ARNT2: variants seen among roughly 807,000 people sequenced by gnomAD.
The protein encoded by ARNT2 is aryl hydrocarbon receptor nuclear translocator 2, also known as ARNT protein 2.
Under a neutral mutation model 91.7 loss-of-function variants are expected in ARNT2, and 36 were observed. The observed-to-expected ratio is 0.39, with a 90% CI of 0.30 to 0.52. ARNT2 has a LOEUF of 0.52. ARNT2 is among the 20% of genes least tolerant of loss of function. ARNT2 has a pLI of 0.72. For synonymous variants in ARNT2, 365 were observed against 347.1 expected, an observed-to-expected ratio of 1.05 and a Z score of -0.57; for missense variants, 775 against 939.3, an observed-to-expected ratio of 0.83 and a Z score of 2.29.
At chr15:80,459,752 C>T (rs28650974) in intron 3 of ARNT2, among the ~76,000 whole-genome samples, 86 of 152,314 alleles carry the variant, frequency 5.6e-4, no homozygotes, top group African/African-American at 2.0e-3. Flanking sequence ...AAGGTTCAAA[C>T]CCAGGCATCT....
intron 5 of ARNT2, among the ~76,000 whole-genome samples, chr15:80,479,875 C>G (rs979663850): frequency 6.6e-6 from 1 of 152,138 alleles, no homozygotes. Context: ...CCTCACCACC[C>G]AAGGCACTTG....
chr15:80,419,202 G>A (rs1162722346), intron 1 of ARNT2, among the ~76,000 whole-genome samples: 1 of 152,172 alleles, frequency 6.6e-6, no homozygotes, highest in Non-Finnish European at 1.5e-5. Flanking sequence ...CAGTTTTGGA[G>A]TCAGTCGTTC....
intron 12 of ARNT2, among the ~76,000 whole-genome samples, chr15:80,569,147 C>A (rs984742113): frequency 3.9e-5 from 6 of 152,196 alleles, no homozygotes; most frequent in African/African-American, 1.4e-4. Context: ...TTCCAGCTAC[C>A]TCAGAATGCC....
Position 80,450,571 on chromosome 15 carries a change from C to T in ARNT2, c.32-309C>T, listed in dbSNP as rs371622292. The stretch of plus-strand genomic sequence containing the variant: ...GATTCCTCTGCATCTTACCTGCCTC[C>T]AGGTGGTCAGGAGACAGGAGTCCCT... On this transcript the variant is annotated intron_variant, in intron 1 of 18. Coordinates refer to ENST00000303329, the MANE Select transcript of ARNT2 (RefSeq NM_014862.4). 1.6e-3 allele frequency among the ~76,000 whole-genome samples: 243 copies of T among 152,376 alleles called. 5 individuals are homozygous for T. In the Middle Eastern group the frequency reaches 0.017, roughly 11 times the overall value.
chr15:80,592,586 C>G (rs1392907651), intron 18 of ARNT2, among the ~76,000 whole-genome samples: 1 of 152,238 alleles, frequency 6.6e-6, no homozygotes, highest in Non-Finnish European at 1.5e-5. Context: ...CCAAGCCCCT[C>G]TCCTGCCGGG....
Position 80,593,775 on chromosome 15 carries a change from C to T in ARNT2, c.*77C>T, listed in dbSNP as rs956785935. 2.3e-5 allele frequency: 31 copies of T among 1,363,124 alleles called. No homozygotes were observed. The highest frequency in any genetic ancestry group is 2.9e-5 in the African/African-American group (2 of 69,404). 84.4% of individuals were successfully genotyped at this position (1,363,124 alleles called of 1,614,324 possible). On this transcript the variant is annotated 3_prime_UTR_variant, in exon 19 of 19. Transcript: ENST00000303329. ...CGATGCCCATGTGAATGAGGCCCAC[C>T]CTCGCCCTGCTTGCCCTGCCGCAGG...
intron 1 of ARNT2, among the ~76,000 whole-genome samples, chr15:80,437,149 C>G (rs1567179258): frequency 6.6e-6 from 1 of 152,068 alleles, no homozygotes; most frequent in Non-Finnish European, 1.5e-5. Flanking sequence ...TCAGTCTACC[C>G]TTTGTGGAGA....
chr15:80,508,054 C>G, intron 5 of ARNT2, 102 bp from the exon 6 acceptor site: 1 of 1,084,412 alleles, frequency 9.2e-7, no homozygotes, highest in Non-Finnish European at 1.4e-6. Flanking sequence ...CCACACTTGT[C>G]CTCATTTGGC....
intron 1 of ARNT2, among the ~76,000 whole-genome samples, chr15:80,441,747 A>T (rs982205433): frequency 1.3e-5 from 2 of 152,196 alleles, no homozygotes; most frequent in African/African-American, 4.8e-5. Flanking sequence ...GTATTATAGG[A>T]ATTCTACACA....
At chr15:80,437,226 G>T (rs755993949) in intron 1 of ARNT2, among the ~76,000 whole-genome samples, 1 of 152,156 alleles carries the variant, frequency 6.6e-6, no homozygotes, top group Non-Finnish European at 1.5e-5. Context: ...GGAGCCACAG[G>T]AGGAACTGCA....
chr15:80,555,969 A>T (rs2141459558), intron 11 of ARNT2: 1 of 148,984 alleles, frequency 6.7e-6, no homozygotes, highest in South Asian at 2.1e-4. Flanking sequence ...TGTCTCACTC[A>T]CTCACTCACT....
chr15:80,461,145 A>T (rs1451996533), intron 3 of ARNT2, among the ~76,000 whole-genome samples: 1 of 152,228 alleles, frequency 6.6e-6, no homozygotes, highest in African/African-American at 2.4e-5. Context: ...AACCGAAGAC[A>T]GAGATGTAAA....
At chr15:80,532,763 C>T (rs1897759011) in intron 8 of ARNT2, among the ~76,000 whole-genome samples, 1 of 152,216 alleles carries the variant, frequency 6.6e-6, no homozygotes, top group African/African-American at 2.4e-5. Context: ...AAAACAGATC[C>T]TGATACGTGC....
intron 1 of ARNT2, among the ~76,000 whole-genome samples, chr15:80,443,383 G>GCT (rs1896225329): frequency 6.6e-6 from 1 of 152,204 alleles, no homozygotes; most frequent in South Asian, 2.1e-4. Flanking sequence ...AGAGGCAAGG[G>GCT]CTGGCCTTGT....
chr15:80,469,405 T>C (rs1324542442), intron 3 of ARNT2, among the ~76,000 whole-genome samples: 1 of 152,184 alleles, frequency 6.6e-6, no homozygotes, highest in African/African-American at 2.4e-5. Context: ...TTCACAACTT[T>C]AAAGTAAATT....
chr15:80,544,417 A>G (rs4778808), intron 8 of ARNT2, among the ~76,000 whole-genome samples: 4,599 of 152,184 alleles, frequency 0.03, 212 homozygotes, highest in African/African-American at 0.098. Flanking sequence ...TCATTGCCTG[A>G]TATCTAGTGT....
At chr15:80,491,984 A>T (rs1566986298) in intron 5 of ARNT2, among the ~76,000 whole-genome samples, 1 of 152,034 alleles carries the variant, frequency 6.6e-6, no homozygotes, top group African/African-American at 2.4e-5. Context: ...ACACAGGTGT[A>T]CGTCTATTTC....
In ARNT2 at chr15:80,508,245, A is replaced by T. The variant is rs1897300377; in HGVS notation, c.712A>T (p.Ile238Phe). 6.2e-7 allele frequency: 1 copy of T among 1,614,028 alleles called. No homozygotes were observed. Among genetic ancestry groups the T allele is most frequent in the Non-Finnish European group, 8.5e-7 (1 of 1,179,932 alleles). Reference sequence around the variant, plus strand: ...GTGCATGGGCTCGCGGCGGTCTTTCATCTGCAGGATGAGGTCTGTTTTGGG... The same window carrying T: ...GTGCATGGGCTCGCGGCGGTCTTTCTTCTGCAGGATGAGGTCTGTTTTGGG... ...RMCMGSRRSF[I>F]CRMRCGNAPL... is the part of the protein sequence containing the mutation. The change falls in exon 6 of 19, where the codon ATC (isoleucine) becomes TTC (phenylalanine). Residue 238 changes from isoleucine (I) to phenylalanine (F), a missense_variant. Transcript: ENST00000303329.
At chr15:80,454,165 A>G (rs1188178461) in intron 2 of ARNT2, among the ~76,000 whole-genome samples, 1 of 152,192 alleles carries the variant, frequency 6.6e-6, no homozygotes. Flanking sequence ...GTGATTCCAC[A>G]TGCGTGGGAG....
Sources: allele counts gnomAD v4.1 joint callset (sites outside exome capture counted in the v4.1 genomes callset), GRCh38; gene constraint gnomAD v4.1.1; transcripts MANE v1.5; gene names NCBI Gene and HGNC (gene_info 2026-07-23, HGNC 2026-07-21).